HS3ST4: variants seen among roughly 807,000 people sequenced by gnomAD.
The protein encoded by HS3ST4 is heparan sulfate-glucosamine 3-sulfotransferase 4.
HS3ST4 carries 17 observed loss-of-function variants against 29.2 expected under a neutral mutation model. The observed-to-expected ratio is 0.58, with a 90% CI of 0.40 to 0.87. The LOEUF (loss-of-function observed/expected upper bound fraction) is 0.87. Among genes scored for constraint, HS3ST4 ranks in the 40% least tolerant of loss-of-function variants. HS3ST4 has a pLI of 0.00. For synonymous variants in HS3ST4, 314 were observed against 285.7 expected (o/e 1.10, Z -1.00); for missense variants, 627 against 634.5 (o/e 0.99, Z 0.13).
At chr16:25,927,072 A>AT (rs1968412165) in intron 1 of HS3ST4, among the ~76,000 whole-genome samples, 1 of 152,110 alleles carries the variant, frequency 6.6e-6, no homozygotes, top group African/African-American at 2.4e-5. Flanking sequence ...AAAAGAAAAA[A>AT]AAAAGAATAC....
At chr16:25,880,412 G>A (rs9931367) in intron 1 of HS3ST4, among the ~76,000 whole-genome samples, 38,687 of 152,100 alleles carry the variant, frequency 0.25, 5,202 homozygotes, top group Non-Finnish European at 0.31. Flanking sequence ...CCACTTCTAT[G>A]AAGTGTAAGG....
chr16:26,017,931 A>G (rs1222245710), intron 1 of HS3ST4, among the ~76,000 whole-genome samples: 1 of 152,228 alleles, frequency 6.6e-6, no homozygotes, highest in Non-Finnish European at 1.5e-5. Context: ...GGAACTTCCT[A>G]CATGAATTTT....
intron 1 of HS3ST4, among the ~76,000 whole-genome samples, chr16:26,041,833 C>T (rs999403265): frequency 1.1e-4 from 17 of 152,194 alleles, no homozygotes; most frequent in Non-Finnish European, 5.9e-5. Flanking sequence ...AGGACTGTCC[C>T]AGTCAAACCA....
intron 1 of HS3ST4, among the ~76,000 whole-genome samples, chr16:25,907,120 C>T (rs1269837054): frequency 2.0e-5 from 3 of 152,098 alleles, no homozygotes; most frequent in Non-Finnish European, 2.9e-5. Context: ...CACTTGAGCT[C>T]GTGAGTTTGT....
At chr16:25,704,757 TA>T (rs1340253929) in intron 1 of HS3ST4, among the ~76,000 whole-genome samples, 1 of 151,746 alleles carries the variant, frequency 6.6e-6, no homozygotes, top group Non-Finnish European at 1.5e-5. Flanking sequence ...CAGGCACCTG[TA>T]ATCCCAGCTA....
chr16:26,112,396 T>C (rs1596685524), intron 1 of HS3ST4, among the ~76,000 whole-genome samples: 2 of 149,808 alleles, frequency 1.3e-5, no homozygotes, highest in East Asian at 3.9e-4. Flanking sequence ...TTTTTTTTTT[T>C]TTTTGAGACG....
At chr16:25,878,533 G>GC (rs1355426753) in intron 1 of HS3ST4, among the ~76,000 whole-genome samples, 1 of 152,116 alleles carries the variant, frequency 6.6e-6, no homozygotes, top group Non-Finnish European at 1.5e-5. Context: ...AAATGGTCCA[G>GC]CTGTCTTTGA....
chr16:26,075,828 AAT>A (rs1158693276), intron 1 of HS3ST4, among the ~76,000 whole-genome samples: 1 of 152,224 alleles, frequency 6.6e-6, no homozygotes, highest in Non-Finnish European at 1.5e-5. Flanking sequence ...TATCTGCTGC[AAT>A]ATTGGACATC....
At position 26,054,574 on chromosome 16, in the gene HS3ST4, T is replaced by C. The variant is rs149688193; in HGVS notation, c.735-81038T>C. Among the ~76,000 whole-genome samples, 30 of 152,212 alleles carry C rather than the reference T, an allele frequency of 2.0e-4. 1 individual carries two copies. The East Asian group carries it at 5.2e-3, about 26-fold the overall frequency. On this transcript the variant is annotated intron_variant, in intron 1 of 1. Transcript: ENST00000331351. ...TTGAGAACAATTGGTCCGAAAACCA[T>C]TGGTGCAAGAGGAATGGCTATCTTC...
At chr16:26,024,725 TC>T (rs1969450467) in intron 1 of HS3ST4, among the ~76,000 whole-genome samples, 1 of 152,050 alleles carries the variant, frequency 6.6e-6, no homozygotes, top group African/African-American at 2.4e-5. Context: ...AAAGCAAGAC[TC>T]CATCTCAAAA....
chr16:26,013,022 G>T (rs910527085), intron 1 of HS3ST4, among the ~76,000 whole-genome samples: 1 of 152,056 alleles, frequency 6.6e-6, no homozygotes, highest in Non-Finnish European at 1.5e-5. Context: ...AATTAGCTGG[G>T]TGTGGTGGCG....
chr16:25,754,396 C>T (rs759600131), intron 1 of HS3ST4, among the ~76,000 whole-genome samples: 2 of 151,840 alleles, frequency 1.3e-5, no homozygotes, highest in Non-Finnish European at 2.9e-5. Flanking sequence ...ATTCATCCAC[C>T]CACCCACGTG....
At position 25,810,662 on chromosome 16, in the gene HS3ST4, A is replaced by T. The variant is rs543915002; in HGVS notation, c.734+117511A>T. On this transcript the variant is annotated intron_variant, in intron 1 of 1. Transcript: ENST00000331351. Reference sequence around the variant, plus strand: ...GAACCATTCTTTTACTCATTTTTATATTGCTAATGCAGTGCCTAGCATATA... The same window carrying T: ...GAACCATTCTTTTACTCATTTTTATTTTGCTAATGCAGTGCCTAGCATATA... 3.3e-5 allele frequency among the ~76,000 whole-genome samples: 5 copies of T among 152,252 alleles called. No homozygotes were observed. The South Asian group carries it at 1.0e-3, about 32-fold the overall frequency.
At chr16:26,040,121 A>C (rs1056621075) in intron 1 of HS3ST4, among the ~76,000 whole-genome samples, 3 of 152,186 alleles carry the variant, frequency 2.0e-5, no homozygotes, top group Middle Eastern at 3.2e-3. Context: ...TACTGTCTGC[A>C]TATTTACTGG....
At chr16:25,870,622 G>A (rs1442758905) in intron 1 of HS3ST4, among the ~76,000 whole-genome samples, 2 of 147,932 alleles carry the variant, frequency 1.4e-5, no homozygotes, top group African/African-American at 2.7e-5. Context: ...TTGGACCATT[G>A]TGAGACTTTT....
At chr16:25,750,393 A>T (rs1966711369) in intron 1 of HS3ST4, among the ~76,000 whole-genome samples, 1 of 152,198 alleles carries the variant, frequency 6.6e-6, no homozygotes, top group African/African-American at 2.4e-5. Flanking sequence ...TCACTAGCCC[A>T]ACTGTGTTCA....
chr16:25,806,545 AGT>A (rs1429681657), intron 1 of HS3ST4, among the ~76,000 whole-genome samples: 5 of 152,154 alleles, frequency 3.3e-5, no homozygotes, highest in Non-Finnish European at 5.9e-5. Flanking sequence ...ATTTATTTAA[AGT>A]GTTTGTCTTC....
intron 1 of HS3ST4, among the ~76,000 whole-genome samples, chr16:25,823,229 C>G (rs954888997): frequency 2.0e-5 from 3 of 152,200 alleles, no homozygotes; most frequent in Non-Finnish European, 2.9e-5. Context: ...TCTTTCTATT[C>G]AGGGATGCTC....
At position 25,730,586 on chromosome 16, in the gene HS3ST4, CTCCT is replaced by C. The variant is rs768995399; in HGVS notation, c.734+37450_734+37453del. Among the ~76,000 whole-genome samples the C allele has an allele frequency of 1.2e-3, 171 of 143,762 alleles. 1 individual carries two copies. Among genetic ancestry groups the C allele is most frequent in the Non-Finnish European group, 2.3e-3 (148 of 65,096 alleles). The allele number at this position is 143,762 out of a possible 152,430, so 94.3% of individuals were successfully genotyped here. On this transcript the variant is annotated intron_variant, in intron 1 of 1. Transcript: ENST00000331351. Reference sequence around the variant, plus strand: ...TCCCTCTCTCCCTTCTTCCTCCCTTCTCCTTCCTTCCTTCCTTCTTTCCTTCTCT... The same window carrying C: ...TCCCTCTCTCCCTTCTTCCTCCCTTCTCCTTCCTTCCTTCTTTCCTTCTCT...
Sources: gnomAD v4.1 joint callset for allele counts (sites outside exome capture counted in the v4.1 genomes callset) on GRCh38, gnomAD v4.1.1 for gene constraint, MANE v1.5 for transcripts, NCBI Gene and HGNC (gene_info 2026-07-23, HGNC 2026-07-21) for gene names.